Variants in DDX46 observed in about 807,000 individuals in gnomAD.
DDX46 encodes probable ATP-dependent RNA helicase DDX46.
In DDX46, 30 loss-of-function variants were observed where a neutral mutation model predicts 134.9. The observed-to-expected ratio is 0.22, with a 90% CI of 0.17 to 0.30. The LOEUF is 0.30. Ranked by LOEUF, DDX46 falls within the 10% of genes least tolerant of loss-of-function variation. The pLI is 1.00. For synonymous variants in DDX46, 415 were observed against 404.1 expected, an observed-to-expected ratio of 1.03 and a Z score of -0.32; for missense variants, 622 against 1,248.7, an observed-to-expected ratio of 0.50 and a Z score of 7.56.
chr5:134,793,404 G>A (rs1436024754), intron 13 of DDX46, among the ~76,000 whole-genome samples: 2 of 151,888 alleles, frequency 1.3e-5, no homozygotes, highest in African/African-American at 4.8e-5. Context: ...AGTGAGAATT[G>A]GGAATTATTT....
intron 15 of DDX46, among the ~76,000 whole-genome samples, chr5:134,806,859 CT>C (rs1342929767): frequency 2.6e-5 from 4 of 152,082 alleles, no homozygotes. Flanking sequence ...CGTAATAGAA[CT>C]TTATGGTATT....
intron 7 of DDX46, 40 bp from the exon 8 acceptor site, chr5:134,781,881 T>G (rs1293165641): frequency 6.4e-7 from 1 of 1,567,878 alleles, no homozygotes; most frequent in African/African-American, 1.4e-5. Context: ...GGGAAAATAG[T>G]AATGAACTTA....
chr5:134,811,450 G>T, intron 17 of DDX46, 92 bp downstream of exon 17: 1 of 1,488,290 alleles, frequency 6.7e-7, no homozygotes, highest in Non-Finnish European at 9.0e-7. Context: ...TTTAACACTT[G>T]AAAATTTTGC....
In DDX46 at chr5:134,816,598, T is replaced by A. The variant is rs1168956692; in HGVS notation, c.2605T>A (p.Ser869Thr). The change falls in exon 19 of 23, where the codon TCT becomes ACT. Residue 869 changes from serine (S) to threonine (T), a missense_variant. By Grantham distance (58) the Ser-to-Thr change is moderately conservative. Transcript: ENST00000452510. ...TGCCCAGAAGAATTTGGGCATCGAG[T>A]CTCAGGTATTAAGTAATTTGTTCCA... The part of the protein sequence containing the change: ...INAQKNLGIE[S>T]QVDVMQQATN... 1 of 1,612,650 alleles carries A rather than the reference T, an allele frequency of 6.2e-7. No individual in the cohort carries two copies. Among genetic ancestry groups the A allele is most frequent in the Non-Finnish European group, 8.5e-7 (1 of 1,179,808 alleles).
intron 17 of DDX46, 156 bp from the exon 18 acceptor site, chr5:134,811,540 G>A (rs1755141715): frequency 3.5e-6 from 4 of 1,139,202 alleles, no homozygotes; most frequent in South Asian, 3.3e-5. Context: ...TTAGTATTTT[G>A]TGGTGTCTAT....
At chr5:134,759,514 C>T (rs1011376235) in intron 1 of DDX46, among the ~76,000 whole-genome samples, 5 of 152,078 alleles carry the variant, frequency 3.3e-5, no homozygotes, top group African/African-American at 9.7e-5. Context: ...AACTTTGTTA[C>T]CTGCTTTTCT....
chr5:134,786,252 ATGT>A (rs1426869120), intron 11 of DDX46, among the ~76,000 whole-genome samples: 2 of 152,176 alleles, frequency 1.3e-5, no homozygotes, highest in Non-Finnish European at 2.9e-5. Context: ...TATATCAAAC[ATGT>A]TGTACACCTT....
At chr5:134,786,169 C>T (rs1262448454) in intron 11 of DDX46, among the ~76,000 whole-genome samples, 4 of 151,978 alleles carry the variant, frequency 2.6e-5, no homozygotes, top group Admixed American at 6.6e-5. Flanking sequence ...GTTCTTACCA[C>T]AAAAGAAAAT....
intron 2 of DDX46, among the ~76,000 whole-genome samples, chr5:134,766,140 T>C (rs1387871658): frequency 6.6e-6 from 1 of 152,204 alleles, no homozygotes; most frequent in Non-Finnish European, 1.5e-5. Flanking sequence ...AGTAGACCCA[T>C]TATGCCCATC....
intron 15 of DDX46, among the ~76,000 whole-genome samples, chr5:134,803,949 A>G (rs1215122951): frequency 3.0e-5 from 4 of 132,714 alleles, no homozygotes; most frequent in Non-Finnish European, 6.3e-5. Flanking sequence ...TTTTGAGACA[A>G]TTTCTTATTG....
intron 15 of DDX46, chr5:134,797,313 G>T: frequency 4.9e-6 from 1 of 204,568 alleles, no homozygotes; most frequent in Non-Finnish European, 1.0e-5. Context: ...TACTTATTTT[G>T]CTTATGAATC....
chr5:134,762,323 T>C (rs1753414051), intron 1 of DDX46, among the ~76,000 whole-genome samples: 2 of 146,938 alleles, frequency 1.4e-5, no homozygotes, highest in Admixed American at 1.4e-4. Context: ...GAGATTGAGG[T>C]GGAAGGATTG....
intron 1 of DDX46, among the ~76,000 whole-genome samples, chr5:134,760,514 G>T (rs1580764742): frequency 6.6e-6 from 1 of 152,164 alleles, no homozygotes. Context: ...AACCTTTGAA[G>T]ATTTTGAGTA....
intron 8 of DDX46, among the ~76,000 whole-genome samples, chr5:134,782,465 C>A (rs183946723): frequency 1.5e-3 from 232 of 151,960 alleles, no homozygotes; most frequent in African/African-American, 5.2e-3. Flanking sequence ...TATGGTGAAA[C>A]CCCATCTCTA....
chr5:134,800,354 G>A (rs776692764), intron 15 of DDX46, among the ~76,000 whole-genome samples: 6 of 152,090 alleles, frequency 3.9e-5, no homozygotes, highest in Non-Finnish European at 5.9e-5. Flanking sequence ...TTTATGTAAG[G>A]TTTCTTTTAG....
intron 6 of DDX46, among the ~76,000 whole-genome samples, chr5:134,779,755 G>C (rs1754074636): frequency 3.3e-5 from 5 of 152,186 alleles, no homozygotes; most frequent in Admixed American, 3.3e-4. Context: ...CTCCCAAAGT[G>C]CTGGGATTAC....
intron 21 of DDX46, among the ~76,000 whole-genome samples, chr5:134,825,528 A>G (rs1755566665): frequency 6.6e-6 from 1 of 152,206 alleles, no homozygotes; most frequent in African/African-American, 2.4e-5. Context: ...CTCGTTTATT[A>G]TAAATCTTTC....
intron 16 of DDX46, among the ~76,000 whole-genome samples, chr5:134,810,249 G>A (rs1220376092): frequency 6.7e-6 from 1 of 149,466 alleles, no homozygotes; most frequent in Non-Finnish European, 1.5e-5. Flanking sequence ...AAACTCTAGC[G>A]AGACTCCATC....
rs768929385 is a variant in DDX46, at chr5:134,785,594, T to C, written c.1464+8T>C. The C allele has an allele frequency of 1.9e-6, 3 of 1,597,080 alleles. No individual in the cohort carries two copies. The highest frequency in any genetic ancestry group is 2.3e-5 in the East Asian group (1 of 44,390). ...ACAGGAATCAGTGAGCAGGTAGTTA[T>C]ATAAGAAACATTCATGTTTTCCATT... is the stretch of plus-strand genomic sequence containing the variant. On this transcript the variant is annotated splice_region_variant and intron_variant, in intron 11 of 22. Transcript: ENST00000452510.
Sources: allele counts gnomAD v4.1 joint callset (sites outside exome capture counted in the v4.1 genomes callset), GRCh38; gene constraint gnomAD v4.1.1; transcripts MANE v1.5; gene names NCBI Gene and HGNC (gene_info 2026-07-23, HGNC 2026-07-21).